PTPRO: variants seen among roughly 807,000 people sequenced by gnomAD.
PTPRO encodes receptor-type tyrosine-protein phosphatase O.
PTPRO carries 62 observed loss-of-function variants against 145.2 expected under a neutral mutation model. The ratio of observed to expected loss-of-function variants is 0.43; its 90% CI spans 0.35 to 0.53. The LOEUF (loss-of-function observed/expected upper bound fraction) is 0.53. Ranked by LOEUF, PTPRO falls within the 20% of genes least tolerant of loss-of-function variation. The pLI is 0.01. For missense variants in PTPRO, 1,345 were observed against 1,482.7 expected, an observed-to-expected ratio of 0.91 and a Z score of 1.53; for synonymous variants, 565 against 514.7, an observed-to-expected ratio of 1.10 and a Z score of -1.32.
At chr12:15,418,948 A>C (rs1228399986) in intron 1 of PTPRO, among the ~76,000 whole-genome samples, 1 of 151,742 alleles carries the variant, frequency 6.6e-6, no homozygotes, top group Non-Finnish European at 1.5e-5. Flanking sequence ...AAAAATTGTG[A>C]CACTTTTTTA....
At chr12:15,536,053 TA>T (rs1555174363) in intron 12 of PTPRO, among the ~76,000 whole-genome samples, 3,492 of 152,162 alleles carry the variant, frequency 0.023, 162 homozygotes, top group African/African-American at 0.08. Flanking sequence ...TATACTTTTT[TA>T]AAAAATTATT....
chr12:15,497,382 T>C lies in PTPRO; in HGVS notation c.487T>C (p.Phe163Leu). 1.2e-6 allele frequency: 2 copies of C among 1,613,522 alleles called. No homozygotes were observed. The change falls in exon 3 of 27, where the codon TTC (phenylalanine) becomes CTC (leucine). Residue 163 changes from phenylalanine (F) to leucine (L), a missense_variant. By Grantham distance (22) the Phe-to-Leu change is conservative. Around this residue, in one of 3 missense-constraint regions of PTPRO, gnomAD observed 1,130 missense variants for 1,214.7 expected, o/e 0.93. Coordinates refer to ENST00000281171, the MANE Select transcript of PTPRO (RefSeq NM_030667.3). Reference sequence around the variant, plus strand: ...CATTAGCTACTGGGAAGGTAAAGACTTCCGGACAATGCTATATAAAGGTAA... The same window carrying C: ...CATTAGCTACTGGGAAGGTAAAGACCTCCGGACAATGCTATATAAAGGTAA... ...VNISYWEGKD[F>L]RTMLYKDFFK...
At chr12:15,418,703 G>A (rs1485882168) in intron 1 of PTPRO, among the ~76,000 whole-genome samples, 2 of 151,736 alleles carry the variant, frequency 1.3e-5, no homozygotes, top group Admixed American at 6.5e-5. Flanking sequence ...GGCATTTCAA[G>A]GAATGAGTGT....
chr12:15,593,663 TA>T (rs967772161), intron 25 of PTPRO, among the ~76,000 whole-genome samples: 3 of 152,190 alleles, frequency 2.0e-5, no homozygotes, highest in Non-Finnish European at 2.9e-5. Flanking sequence ...ATTGCATACT[TA>T]AACCAATCTC....
chr12:15,490,044 A>AAGT (rs1445069545), intron 2 of PTPRO, among the ~76,000 whole-genome samples: 1 of 152,220 alleles, frequency 6.6e-6, no homozygotes, highest in African/African-American at 2.4e-5. Flanking sequence ...GAAGAACTTT[A>AAGT]AGTACCTTGC....
intron 1 of PTPRO, among the ~76,000 whole-genome samples, chr12:15,351,842 T>A (rs1249519034): frequency 1.3e-5 from 2 of 152,178 alleles, no homozygotes; most frequent in South Asian, 2.1e-4. Context: ...CAAAATGTAT[T>A]TTTTTATTGC....
chr12:15,405,217 G>A (rs150057618), intron 1 of PTPRO, among the ~76,000 whole-genome samples: 106 of 152,288 alleles, frequency 7.0e-4, no homozygotes, highest in African/African-American at 2.2e-3. Context: ...GAGGAAATAA[G>A]TTTCATTGCT....
chr12:15,476,412 GTTTGTT>G (rs1468789545), intron 1 of PTPRO, among the ~76,000 whole-genome samples: 1 of 151,904 alleles, frequency 6.6e-6, no homozygotes, highest in African/African-American at 2.4e-5. Context: ...TGATGGGGTT[GTTTGTT>G]TTTTTCTTGT....
At chr12:15,420,430 C>A (rs1238969189) in intron 1 of PTPRO, among the ~76,000 whole-genome samples, 1 of 151,564 alleles carries the variant, frequency 6.6e-6, no homozygotes, top group East Asian at 1.9e-4. Context: ...AAGATTCTCC[C>A]ACTGCCTGGA....
Position 15,501,867 on chromosome 12 carries a change from A to T in PTPRO, c.909A>T (p.Ala303=), listed in dbSNP as rs1473888293. The T allele has an allele frequency of 6.2e-7, 1 of 1,614,128 alleles. No homozygotes were observed. Among genetic ancestry groups the T allele is most frequent in the South Asian group, 1.1e-5 (1 of 91,084 alleles). Residue 303 remains alanine (A), a synonymous_variant, in exon 5 of 27, where the codon GCA becomes GCT. Coordinates refer to ENST00000281171, the MANE Select transcript of PTPRO (RefSeq NM_030667.3). ...TTSQPYWWDS[A]SAAPESEDEF... ...CTCAGCCATATTGGTGGGACAGTGC[A>T]TCTGCAGCTCCTGAAAGTGAAGATG...
At chr12:15,407,250 A>C (rs1051102206) in intron 1 of PTPRO, among the ~76,000 whole-genome samples, 2 of 152,204 alleles carry the variant, frequency 1.3e-5, no homozygotes, top group Non-Finnish European at 2.9e-5. Flanking sequence ...GAAAAGTCTA[A>C]GGACAAGTGT....
chr12:15,506,963 T>C (rs1162872498), intron 6 of PTPRO, among the ~76,000 whole-genome samples: 2 of 152,210 alleles, frequency 1.3e-5, no homozygotes, highest in East Asian at 1.9e-4. Context: ...TACTATTTCA[T>C]AGTGCTCCAG....
At chr12:15,524,157 T>TA (rs34287474) in intron 10 of PTPRO, among the ~76,000 whole-genome samples, 21,128 of 129,016 alleles carry the variant, frequency 0.16, 1,783 homozygotes, top group Middle Eastern at 0.17. Context: ...GCTTCGTGGC[T>TA]AAAAAAAAAA....
chr12:15,524,704 T>C, intron 10 of PTPRO, 110 bp from the exon 11 acceptor site: 2 of 1,176,570 alleles, frequency 1.7e-6, no homozygotes, highest in Non-Finnish European at 2.5e-6. Flanking sequence ...TATCGTGTGC[T>C]GTGAATTCTA....
intron 19 of PTPRO, among the ~76,000 whole-genome samples, chr12:15,576,186 T>A (rs1944181262): frequency 6.6e-6 from 1 of 152,228 alleles, no homozygotes; most frequent in African/African-American, 2.4e-5. Flanking sequence ...GGAATTTCCA[T>A]ATGGTTGGAA....
chr12:15,368,825 C>A (rs1938440717), intron 1 of PTPRO, among the ~76,000 whole-genome samples: 3 of 152,144 alleles, frequency 2.0e-5, no homozygotes, highest in South Asian at 4.1e-4. Flanking sequence ...GTTGGAAGTG[C>A]TTAAGTGGAC....
intron 12 of PTPRO, among the ~76,000 whole-genome samples, chr12:15,526,631 G>C (rs185323830): frequency 7.2e-5 from 11 of 152,172 alleles, no homozygotes; most frequent in African/African-American, 2.6e-4. Flanking sequence ...ATCTTAAATA[G>C]TAATGGATTT....
At chr12:15,464,240 G>A (rs1033460386) in intron 1 of PTPRO, among the ~76,000 whole-genome samples, 1 of 152,162 alleles carries the variant, frequency 6.6e-6, no homozygotes, top group Non-Finnish European at 1.5e-5. Flanking sequence ...TACAAGAAAG[G>A]CATGTTTCAG....
intron 9 of PTPRO, among the ~76,000 whole-genome samples, chr12:15,518,056 G>A (rs1942636700): frequency 6.6e-6 from 1 of 152,148 alleles, no homozygotes; most frequent in East Asian, 1.9e-4. Flanking sequence ...TGAGGTCCCT[G>A]CCCTGCTGCA....
Sources: allele counts gnomAD v4.1 joint callset (sites outside exome capture counted in the v4.1 genomes callset), GRCh38; gene constraint gnomAD v4.1.1; regional missense constraint gnomAD v4.1.1; transcripts MANE v1.5; gene names NCBI Gene and HGNC (gene_info 2026-07-23, HGNC 2026-07-21).